Variants in RIMS1 observed in about 807,000 individuals in gnomAD.
The protein encoded by RIMS1 is regulating synaptic membrane exocytosis 1.
RIMS1 carries 83 observed loss-of-function variants against 214.1 expected under a neutral mutation model. The observed-to-expected ratio is 0.39, with a 90% CI of 0.32 to 0.47. The LOEUF is 0.47. Ranked by LOEUF, RIMS1 falls within the 20% of genes least tolerant of loss-of-function variation. The pLI, the probability that RIMS1 is intolerant of heterozygous loss-of-function variation, is 0.99. For missense variants in RIMS1, 2,050 were observed against 2,161.8 expected (o/e 0.95, Z 1.03); for synonymous variants, 793 against 786.8 (o/e 1.01, Z -0.13).
intron 6 of RIMS1, among the ~76,000 whole-genome samples, chr6:72,219,304 G>T (rs1562677093): frequency 3.9e-5 from 6 of 152,106 alleles, no homozygotes. Flanking sequence ...CATCATGCCT[G>T]TAAGTTGTAG....
chr6:71,977,493 G>A (rs942405620), intron 2 of RIMS1, among the ~76,000 whole-genome samples: 1 of 152,116 alleles, frequency 6.6e-6, no homozygotes, highest in Non-Finnish European at 1.5e-5. Flanking sequence ...AAAGCTTGGA[G>A]TATGGGAGGA....
intron 1 of RIMS1, among the ~76,000 whole-genome samples, chr6:71,962,410 A>C (rs181594615): frequency 6.6e-6 from 1 of 152,248 alleles, no homozygotes. Flanking sequence ...TTGCCTTATA[A>C]CTAGGAACCT....
intron 1 of RIMS1, among the ~76,000 whole-genome samples, chr6:71,907,017 A>G (rs1775442272): frequency 6.6e-6 from 1 of 152,162 alleles, no homozygotes; most frequent in African/African-American, 2.4e-5. Flanking sequence ...TGGTTCTTAC[A>G]TTGTGCTAAG....
rs1194367466 is a variant in RIMS1 at position 72,250,400 on chromosome 6, C to G, written c.2312C>G (p.Ala771Gly). ...VNVLQATDLP[A>G]RVDGRPRNPY... Reference sequence around the variant, plus strand: ...GTTCTGCAAGCAACAGATCTACCTGCTAGAGTAGATGGACGTCCTCGAAAT... The same window carrying G: ...GTTCTGCAAGCAACAGATCTACCTGGTAGAGTAGATGGACGTCCTCGAAAT... The change falls in exon 13 of 34, where the codon GCT (alanine) becomes GGT (glycine). Residue 771 changes from alanine to glycine, a missense_variant. Ala to Gly is a moderately conservative substitution (Grantham distance 60). This residue lies in a region of RIMS1 where 889 missense variants were observed against 885.5 expected (regional missense o/e 1.00). Transcript: ENST00000521978. 4.4e-6 allele frequency: 7 copies of G among 1,599,808 alleles called. No homozygotes were observed. The South Asian group carries it at 7.7e-5, about 18-fold the overall frequency.
At chr6:71,913,136 A>G (rs1777411365) in intron 1 of RIMS1, among the ~76,000 whole-genome samples, 1 of 152,142 alleles carries the variant, frequency 6.6e-6, no homozygotes, top group South Asian at 2.1e-4. Context: ...CAAAGTTTCT[A>G]TATTGTCTGT....
At chr6:71,924,242 G>A (rs940632174) in intron 1 of RIMS1, among the ~76,000 whole-genome samples, 4 of 152,094 alleles carry the variant, frequency 2.6e-5, no homozygotes, top group African/African-American at 7.2e-5. Flanking sequence ...TCTACAAAAC[G>A]TTTGGTAGAC....
intron 30 of RIMS1, among the ~76,000 whole-genome samples, chr6:72,391,393 A>G (rs966881308): frequency 4.0e-5 from 6 of 151,208 alleles, no homozygotes; most frequent in Non-Finnish European, 7.4e-5. Flanking sequence ...ATCCTGCACA[A>G]AACCTGCTTC....
intron 6 of RIMS1, among the ~76,000 whole-genome samples, chr6:72,225,668 C>T (rs150018758): frequency 3.3e-5 from 5 of 152,070 alleles, no homozygotes; most frequent in South Asian, 2.1e-4. Flanking sequence ...CTGGTTATTC[C>T]GAGACTTTGC....
chr6:72,336,504 G>A (rs1419610106), intron 29 of RIMS1, among the ~76,000 whole-genome samples: 2 of 151,696 alleles, frequency 1.3e-5, no homozygotes, highest in African/African-American at 2.4e-5. Flanking sequence ...GTGTACAGGT[G>A]GAAAAAGGAA....
chr6:72,316,906 G>C, intron 28 of RIMS1: 2 of 801,596 alleles, frequency 2.5e-6, no homozygotes, highest in South Asian at 2.7e-5. Context: ...CCACTGGACA[G>C]CCACCCAAGA....
chr6:71,946,152 T>A (rs1199665620), intron 1 of RIMS1, among the ~76,000 whole-genome samples: 2 of 152,196 alleles, frequency 1.3e-5, no homozygotes, highest in Admixed American at 6.5e-5. Flanking sequence ...AAAGCATTAA[T>A]CTATGAAATT....
chr6:71,940,471 A>G (rs1785722656), intron 1 of RIMS1, among the ~76,000 whole-genome samples: 1 of 152,226 alleles, frequency 6.6e-6, no homozygotes, highest in Non-Finnish European at 1.5e-5. Context: ...GAATGGGTCA[A>G]AGAGAGTGCT....
chr6:72,027,231 T>G (rs16882028), intron 2 of RIMS1, among the ~76,000 whole-genome samples: 1,752 of 152,244 alleles, frequency 0.012, 37 homozygotes, highest in African/African-American at 0.039. Flanking sequence ...CGGAAATAGA[T>G]GAACCCGGAA....
intron 6 of RIMS1, among the ~76,000 whole-genome samples, chr6:72,189,879 C>T (rs760119996): frequency 2.4e-4 from 37 of 152,184 alleles, no homozygotes; most frequent in Non-Finnish European, 4.0e-4. Flanking sequence ...GTGGAGGTCA[C>T]CTGTTGGTGA....
chr6:72,038,891 G>A (rs1291004962), intron 2 of RIMS1, among the ~76,000 whole-genome samples: 1 of 152,082 alleles, frequency 6.6e-6, no homozygotes, highest in East Asian at 1.9e-4. Flanking sequence ...AACTGGCTGG[G>A]CTATAAGAGT....
chr6:71,927,578 A>AAAAT (rs1449894523), intron 1 of RIMS1, among the ~76,000 whole-genome samples: 20 of 152,122 alleles, frequency 1.3e-4, no homozygotes, highest in African/African-American at 4.8e-4. Flanking sequence ...TGACTGTGTG[A>AAAAT]AAATATGTTA....
At chr6:71,976,640 G>T (rs919222472) in intron 2 of RIMS1, among the ~76,000 whole-genome samples, 1 of 151,846 alleles carries the variant, frequency 6.6e-6, no homozygotes, top group African/African-American at 2.4e-5. Context: ...TTGTGGTTTT[G>T]GTCTTGCATC....
chr6:72,146,732 C>G (rs894440436), intron 4 of RIMS1, among the ~76,000 whole-genome samples: 26 of 152,136 alleles, frequency 1.7e-4, no homozygotes, highest in Non-Finnish European at 3.8e-4. Context: ...ACCCTCTAAC[C>G]TAGACAAAAA....
intron 2 of RIMS1, among the ~76,000 whole-genome samples, chr6:72,046,989 C>T (rs894644552): frequency 1.3e-5 from 2 of 152,032 alleles, no homozygotes; most frequent in Admixed American, 1.3e-4. Flanking sequence ...AAATAAATTA[C>T]TCAAATACCT....
Sources: allele counts gnomAD v4.1 joint callset (sites outside exome capture counted in the v4.1 genomes callset), GRCh38; gene constraint gnomAD v4.1.1; regional missense constraint gnomAD v4.1.1; transcripts MANE v1.5; gene names NCBI Gene and HGNC (gene_info 2026-07-23, HGNC 2026-07-21).